Variants in PDE3B observed in about 807,000 individuals in gnomAD.
PDE3B encodes the protein cGMP-inhibited 3',5'-cyclic phosphodiesterase 3B.
PDE3B carries 66 observed loss-of-function variants against 116.8 expected under a neutral mutation model. The ratio of observed to expected loss-of-function variants is 0.56; its 90% confidence interval spans 0.46 to 0.69. The LOEUF (loss-of-function observed/expected upper bound fraction) is 0.69, where lower values mean the gene tolerates loss of function less well. PDE3B is among the 30% of genes least tolerant of loss of function. The probability of loss-of-function intolerance (pLI) is 0.00; values close to 1 mark genes in which losing one functional copy is unlikely to be tolerated. For synonymous variants in PDE3B, 595 were observed against 533.6 expected, an observed-to-expected ratio of 1.12 and a Z score of -1.59; for missense variants, 1,384 against 1,368.1, an observed-to-expected ratio of 1.01 and a Z score of -0.18.
chr11:14,856,625 A>C lies in PDE3B; in HGVS notation c.2521-2418A>C, dbSNP rs149292528. ...ATCCCAGCACTTTGGGAGTCTGAGAAGGGCAGATCACGAGGTCAGGAGATA... is the reference window on the plus strand; with the variant it reads ...ATCCCAGCACTTTGGGAGTCTGAGACGGGCAGATCACGAGGTCAGGAGATA... On this transcript the variant is annotated intron_variant, in intron 12 of 15. Coordinates refer to ENST00000282096, the MANE Select transcript of PDE3B (RefSeq NM_000922.4). Among the ~76,000 whole-genome samples, 712 of 152,124 alleles carry C rather than the reference A, an allele frequency of 4.7e-3. 4 individuals are homozygous for C. The highest frequency in any genetic ancestry group is 0.016 in the African/African-American group (649 of 41,512).
chr11:14,669,309 C>G (rs535639905), intron 1 of PDE3B, among the ~76,000 whole-genome samples: 170 of 152,132 alleles, frequency 1.1e-3, no homozygotes, highest in Admixed American at 2.7e-3. Flanking sequence ...TCCTGTCTTT[C>G]TGTCTTCTGC....
chr11:14,873,688 TA>T (rs1848165335), downstream of PDE3B, among the ~76,000 whole-genome samples: 1 of 152,166 alleles, frequency 6.6e-6, no homozygotes, highest in Non-Finnish European at 1.5e-5. Context: ...AGAAAAGTGA[TA>T]GGGGCTACAA....
At chr11:14,878,308 A>G in the PDE3B span, 4 of 1,612,356 alleles carry the variant, frequency 2.5e-6, no homozygotes, top group Non-Finnish European at 2.5e-6. Flanking sequence ...CTAAACAGAA[A>G]AAGCAGATAC....
intron 1 of PDE3B, among the ~76,000 whole-genome samples, chr11:14,648,095 T>C (rs1853464957): frequency 1.3e-5 from 2 of 152,054 alleles, no homozygotes; most frequent in Admixed American, 1.3e-4. Flanking sequence ...GTCGTCTGCA[T>C]AGAAGCTTTA....
intron 1 of PDE3B, chr11:14,674,170 G>A (rs1187869041): frequency 3.1e-6 from 4 of 1,295,432 alleles, no homozygotes; most frequent in African/African-American, 2.9e-5. Context: ...AGGCCAAGGA[G>A]TCTCACTGGT....
chr11:14,680,964 A>G (rs1854686912), intron 1 of PDE3B, among the ~76,000 whole-genome samples: 1 of 152,158 alleles, frequency 6.6e-6, no homozygotes, highest in Admixed American at 6.5e-5. Context: ...TCAACTTATG[A>G]TGATGGGGTT....
chr11:14,896,671 G>A, the PDE3B span, among the ~76,000 whole-genome samples: 1 of 152,156 alleles, frequency 6.6e-6, no homozygotes, highest in African/African-American at 2.4e-5. Flanking sequence ...CCCCATGATC[G>A]TGTTCATGGA....
chr11:14,718,327 C>CT (rs1481646760), intron 1 of PDE3B, among the ~76,000 whole-genome samples: 1 of 116,392 alleles, frequency 8.6e-6, no homozygotes, highest in Non-Finnish European at 1.8e-5. Flanking sequence ...TAATGGGAGA[C>CT]TTTAACACCC....
At chr11:14,671,872 TAAA>T (rs1005956977) in intron 1 of PDE3B, among the ~76,000 whole-genome samples, 3 of 151,642 alleles carry the variant, frequency 2.0e-5, no homozygotes, top group African/African-American at 7.3e-5. Flanking sequence ...TACAAATAAT[TAAA>T]AAATTAGCCA....
chr11:14,866,613 C>T (rs551767697), intron 14 of PDE3B, among the ~76,000 whole-genome samples: 8 of 152,194 alleles, frequency 5.3e-5, no homozygotes, highest in African/African-American at 1.4e-4. Flanking sequence ...CAGTTAATCA[C>T]GGGGACAGTT....
intron 1 of PDE3B, among the ~76,000 whole-genome samples, chr11:14,725,232 TC>T (rs1246482927): frequency 6.6e-6 from 1 of 152,154 alleles, no homozygotes; most frequent in Non-Finnish European, 1.5e-5. Flanking sequence ...GGCTCAAACT[TC>T]CAGCAGCTTT....
At chr11:14,886,058 A>G in the PDE3B span, 6 of 797,690 alleles carry the variant, frequency 7.5e-6, no homozygotes, top group East Asian at 2.7e-5. Flanking sequence ...CTCAACTGAC[A>G]ATGTTCAGAG....
chr11:14,832,978 CT>C, intron 10 of PDE3B, 145 bp downstream of exon 10: 1 of 484,392 alleles, frequency 2.1e-6, no homozygotes, highest in Admixed American at 4.3e-5. Context: ...AGACAAGAGT[CT>C]TGATCTTGTC....
chr11:14,792,320 G>A (rs1320767323), intron 4 of PDE3B, among the ~76,000 whole-genome samples: 2 of 152,038 alleles, frequency 1.3e-5, no homozygotes, highest in Non-Finnish European at 2.9e-5. Flanking sequence ...TGGTAATTTT[G>A]TTCTTGGTTT....
the PDE3B span, chr11:14,887,493 A>ATCC: frequency 2.8e-6 from 2 of 726,566 alleles, no homozygotes; most frequent in Admixed American, 6.3e-5. Flanking sequence ...ACTTATCCTT[A>ATCC]AACTGCTTTG....
At chr11:14,697,567 C>G (rs954785156) in intron 1 of PDE3B, among the ~76,000 whole-genome samples, 17 of 151,988 alleles carry the variant, frequency 1.1e-4, no homozygotes, top group Admixed American at 1.1e-3. Flanking sequence ...AGTCTAGGAC[C>G]TTTGCATTTG....
the PDE3B span, among the ~76,000 whole-genome samples, chr11:14,894,342 T>C: frequency 2.6e-5 from 4 of 152,152 alleles, no homozygotes; most frequent in Admixed American, 6.5e-5. Flanking sequence ...GAGGCAATGC[T>C]GCTGAGGCAC....
intron 1 of PDE3B, among the ~76,000 whole-genome samples, chr11:14,711,505 G>T (rs555825091): frequency 2.0e-5 from 3 of 152,184 alleles, no homozygotes; most frequent in Non-Finnish European, 2.9e-5. Context: ...GGAGGCCTCA[G>T]GAAGTTTTAC....
At chr11:14,676,672 A>G (rs901967314) in intron 1 of PDE3B, among the ~76,000 whole-genome samples, 3 of 152,120 alleles carry the variant, frequency 2.0e-5, no homozygotes, top group Admixed American at 6.6e-5. Context: ...CCGCGTCACA[A>G]TGTCATGACA....
Sources: gnomAD v4.1 joint callset for allele counts (sites outside exome capture counted in the v4.1 genomes callset) on GRCh38, gnomAD v4.1.1 for gene constraint, MANE v1.5 for transcripts, NCBI Gene and HGNC (gene_info 2026-07-23, HGNC 2026-07-21) for gene names.